The following SLC26A3 variants were observed in gnomAD, a reference collection of about 807,000 sequenced individuals.
SLC26A3 encodes the protein chloride anion exchanger.
In SLC26A3, 64 loss-of-function variants were observed where a neutral mutation model predicts 85.6. The ratio of observed to expected loss-of-function variants is 0.75; its 90% confidence interval spans 0.61 to 0.92. The LOEUF is 0.92. Among genes scored for constraint, SLC26A3 ranks in the 40% least tolerant of loss-of-function variants. SLC26A3 has a pLI of 0.00. For missense variants in SLC26A3, 922 were observed against 927.3 expected, an observed-to-expected ratio of 0.99 and a Z score of 0.07; for synonymous variants, 349 against 336.0, an observed-to-expected ratio of 1.04 and a Z score of -0.42.
chr7:107,783,818 C>T (rs1794249560), intron 8 of SLC26A3, among the ~76,000 whole-genome samples: 1 of 152,150 alleles, frequency 6.6e-6, no homozygotes, highest in Non-Finnish European at 1.5e-5. Flanking sequence ...TCATGGAAAA[C>T]TCCTGGCAAA....
intron 8 of SLC26A3, among the ~76,000 whole-genome samples, chr7:107,784,598 A>T (rs577695010): frequency 7.9e-5 from 12 of 152,126 alleles, no homozygotes; most frequent in South Asian, 2.1e-4. Context: ...CGCCCAGCTA[A>T]TTTTAGTATT....
At chr7:107,778,440 G>T (rs1794165281) in intron 12 of SLC26A3, among the ~76,000 whole-genome samples, 159 bp from the exon 13 acceptor site, 1 of 144,308 alleles carries the variant, frequency 6.9e-6, no homozygotes, top group Non-Finnish European at 1.5e-5. Context: ...CGTGGTGGAA[G>T]TTGAAAGTTG....
At position 107,782,973 on chromosome 7, in the gene SLC26A3, G is replaced by C. The variant is rs753717912; in HGVS notation, c.1233+7C>G. On this transcript the variant is annotated splice_region_variant and intron_variant, in intron 10 of 20. Coordinates refer to ENST00000340010, the MANE Select transcript of SLC26A3 (RefSeq NM_000111.3). ...GGACAGTGCTTGCAGCAAAGATCTT[G>C]ACATACCTGTGTTTTGCCTCCTGTG... 85 of 1,613,516 alleles carry C rather than the reference G, an allele frequency of 5.3e-5. No individual in the cohort carries two copies. The highest frequency in any genetic ancestry group is 7.0e-5 in the Non-Finnish European group (82 of 1,179,524).
At chr7:107,773,361 T>C (rs1257423547) in intron 17 of SLC26A3, among the ~76,000 whole-genome samples, 1 of 152,192 alleles carries the variant, frequency 6.6e-6, no homozygotes, top group Non-Finnish European at 1.5e-5. Flanking sequence ...GTGAGCATAG[T>C]TGTCCACCAG....
chr7:107,796,861 C>A (rs1267402333), intron 1 of SLC26A3, among the ~76,000 whole-genome samples: 2 of 151,992 alleles, frequency 1.3e-5, no homozygotes, highest in Non-Finnish European at 2.9e-5. Context: ...AAAGATTCTG[C>A]TCTTTGCTTG....
At chr7:107,768,001 A>G in intron 18 of SLC26A3, 93 bp from the exon 19 acceptor site, 1 of 1,161,528 alleles carries the variant, frequency 8.6e-7, no homozygotes, top group Non-Finnish European at 1.3e-6. Context: ...CCATTTGCAA[A>G]TGTGCGTTTC....
At chr7:107,779,539 T>A (rs1384791329) in intron 12 of SLC26A3, 129 bp downstream of exon 12, 1 of 750,216 alleles carries the variant, frequency 1.3e-6, no homozygotes, top group Non-Finnish European at 2.3e-6. Context: ...TAAAACAAAC[T>A]AAGGTTTTTT....
chr7:107,796,376 A>G (rs1794499948), intron 1 of SLC26A3, among the ~76,000 whole-genome samples: 1 of 152,122 alleles, frequency 6.6e-6, no homozygotes, highest in African/African-American at 2.4e-5. Flanking sequence ...CAAGTTGCTG[A>G]TAGGTGCACC....
At chr7:107,775,600 C>A (rs934261454) in intron 15 of SLC26A3, among the ~76,000 whole-genome samples, 2 of 151,568 alleles carry the variant, frequency 1.3e-5, no homozygotes, top group African/African-American at 4.9e-5. Flanking sequence ...GGTGTAGTGG[C>A]ACATGCCTGG....
At position 107,787,345 on chromosome 7, in the gene SLC26A3, A is replaced by T; in HGVS notation, c.888+12T>A. On this transcript the variant is annotated intron_variant, in intron 7 of 20. Transcript: ENST00000340010. ...AGAGTAGCTATGACAGAGTCTGAAA[A>T]TGATCAATTACCATAATGAATTCGA... 1 of 1,613,814 alleles carries T rather than the reference A, an allele frequency of 6.2e-7. No individual in the cohort carries two copies. Among genetic ancestry groups the T allele is most frequent in the Non-Finnish European group, 8.5e-7 (1 of 1,179,726 alleles).
At chr7:107,770,014 C>CTTTCTTTCTTTCTTTCTTTCTT (rs1562874096) in intron 18 of SLC26A3, among the ~76,000 whole-genome samples, 1 of 37,296 alleles carries the variant, frequency 2.7e-5, no homozygotes, top group East Asian at 1.0e-3. Flanking sequence ...TTCTTTCTTT[C>CTTTCTTTCTTTCTTTCTTTCTT]TTTCTTTCTT....
intron 11 of SLC26A3, among the ~76,000 whole-genome samples, chr7:107,781,342 A>G (rs577855633): frequency 1.6e-4 from 24 of 152,294 alleles, no homozygotes; most frequent in Non-Finnish European, 3.1e-4. Context: ...GCAAATAGTT[A>G]TTTGGGTGTT....
At chr7:107,792,190 C>G (rs2115878892) in intron 3 of SLC26A3, among the ~76,000 whole-genome samples, 1 of 152,120 alleles carries the variant, frequency 6.6e-6, no homozygotes, top group African/African-American at 2.4e-5. Context: ...GCCAGCAGTC[C>G]CCAACCTTTT....
chr7:107,770,425 ATTTTT>A (rs755510664), intron 18 of SLC26A3, among the ~76,000 whole-genome samples: 1 of 127,552 alleles, frequency 7.8e-6, no homozygotes, highest in African/African-American at 2.9e-5. Context: ...CCCAGCTAAC[ATTTTT>A]TTTTTTTTTT....
chr7:107,793,715 A>G (rs1334878248), intron 3 of SLC26A3, 27 bp downstream of exon 3: 38 of 1,547,520 alleles, frequency 2.5e-5, no homozygotes, highest in Non-Finnish European at 3.2e-5. Flanking sequence ...TTTATTGTAT[A>G]TAAATTATAC....
Position 107,791,233 on chromosome 7 carries a change from G to C in SLC26A3, c.385C>G (p.Pro129Ala), listed in dbSNP as rs1429303163. ...FGTSRHISVG[P>A]FPILSMMVGL... Reference sequence around the variant, plus strand: ...ACCATCATACTCAGAATCGGAAACGGACCTAATTAACAGTGGGTGAATCGT... The same window carrying C: ...ACCATCATACTCAGAATCGGAAACGCACCTAATTAACAGTGGGTGAATCGT... Residue 129 changes from proline to alanine, a missense_variant and splice_region_variant, in exon 5 of 21, where the codon CCG becomes GCG. Transcript: ENST00000340010. 6.2e-7 allele frequency: 1 copy of C among 1,614,172 alleles called. No individual in the cohort carries two copies.
intron 18 of SLC26A3, among the ~76,000 whole-genome samples, chr7:107,771,080 G>C (rs1794022458): frequency 1.3e-5 from 2 of 152,204 alleles, no homozygotes; most frequent in Admixed American, 1.3e-4. Flanking sequence ...TTAAAGTTCT[G>C]GAAATGGAGA....
At chr7:107,774,369 T>C (rs1794076433) in intron 16 of SLC26A3, among the ~76,000 whole-genome samples, 1 of 151,942 alleles carries the variant, frequency 6.6e-6, no homozygotes, top group Non-Finnish European at 1.5e-5. Context: ...CAGGGCAACA[T>C]GGTAAGACTC....
intron 18 of SLC26A3, among the ~76,000 whole-genome samples, chr7:107,771,527 G>GAA: frequency 6.6e-6 from 1 of 152,170 alleles, no homozygotes; most frequent in Non-Finnish European, 1.5e-5. Flanking sequence ...TTGAGAGGTA[G>GAA]GAGGTGAATA....
Sources: allele counts gnomAD v4.1 joint callset (sites outside exome capture counted in the v4.1 genomes callset), GRCh38; gene constraint gnomAD v4.1.1; transcripts MANE v1.5; gene names NCBI Gene and HGNC (gene_info 2026-07-23, HGNC 2026-07-21).